Variants in CADPS2 observed in about 807,000 individuals in gnomAD.
The protein encoded by CADPS2 is calcium dependent secretion activator 2.
CADPS2 carries 93 observed loss-of-function variants against 172.5 expected under a neutral mutation model. That is an observed-to-expected ratio of 0.54 (90% CI 0.46 to 0.64). The LOEUF is 0.64. Among genes scored for constraint, CADPS2 ranks in the 30% least tolerant of loss-of-function variants. The probability of loss-of-function intolerance (pLI) is 0.00; values close to 1 mark genes in which losing one functional copy is unlikely to be tolerated. For synonymous variants in CADPS2, 546 were observed against 555.2 expected (o/e 0.98, Z 0.23); for missense variants, 1,420 against 1,565.9 (o/e 0.91, Z 1.57).
At chr7:122,413,626 C>T (rs893744281) in intron 19 of CADPS2, among the ~76,000 whole-genome samples, 5 of 152,172 alleles carry the variant, frequency 3.3e-5, no homozygotes, top group African/African-American at 1.2e-4. Flanking sequence ...GGTGCTCTTT[C>T]ATGGAGCAAA....
intron 2 of CADPS2, among the ~76,000 whole-genome samples, chr7:122,725,417 T>A (rs1322026594): frequency 6.6e-6 from 1 of 151,758 alleles, no homozygotes; most frequent in Admixed American, 6.6e-5. Flanking sequence ...ATAGATTGAT[T>A]GATTTAGGGG....
At chr7:122,624,617 G>C (rs1488968127) in intron 4 of CADPS2, among the ~76,000 whole-genome samples, 1 of 152,180 alleles carries the variant, frequency 6.6e-6, no homozygotes, top group Admixed American at 6.5e-5. Flanking sequence ...CTACAAATTA[G>C]AGCAGATTCA....
At chr7:122,447,447 T>C (rs1380984622) in intron 15 of CADPS2, among the ~76,000 whole-genome samples, 3 of 151,932 alleles carry the variant, frequency 2.0e-5, no homozygotes, top group African/African-American at 4.8e-5. Flanking sequence ...TCAGAACTGA[T>C]TGCTCTCTAA....
chr7:122,627,087 G>T (rs778984911), intron 4 of CADPS2, among the ~76,000 whole-genome samples: 16 of 152,220 alleles, frequency 1.1e-4, no homozygotes, highest in Non-Finnish European at 2.2e-4. Flanking sequence ...AGAGGCAGCA[G>T]GATGTTAAGA....
chr7:122,816,507 G>T (rs1407960007), intron 1 of CADPS2, among the ~76,000 whole-genome samples: 1 of 152,172 alleles, frequency 6.6e-6, no homozygotes, highest in African/African-American at 2.4e-5. Flanking sequence ...TGAAAGTACA[G>T]GTAGCTCTTA....
At position 122,806,047 on chromosome 7, in the gene CADPS2, T is replaced by C. The variant is rs544271413; in HGVS notation, c.340-68979A>G. ...TGTGCAAACCTTTGTTTTATGATCATTTCTGAAAATATAAATAAGAAGTAC... is the reference window on the plus strand; with the variant it reads ...TGTGCAAACCTTTGTTTTATGATCACTTCTGAAAATATAAATAAGAAGTAC... On this transcript the variant is annotated intron_variant, in intron 1 of 29. Coordinates refer to ENST00000449022, the MANE Select transcript of CADPS2 (RefSeq NM_017954.11). Among the ~76,000 whole-genome samples the C allele has an allele frequency of 1.1e-4, 17 of 152,346 alleles. No homozygotes were observed. The South Asian group carries it at 3.5e-3, about 32-fold the overall frequency.
At chr7:122,351,550 ACACT>A (rs1250962700) in intron 27 of CADPS2, among the ~76,000 whole-genome samples, 2 of 152,008 alleles carry the variant, frequency 1.3e-5, no homozygotes, top group East Asian at 1.9e-4. Context: ...AAAAATAATG[ACACT>A]CACATCCTTT....
At chr7:122,441,629 C>A in intron 15 of CADPS2, 54 bp from the exon 16 acceptor site, 3 of 1,093,498 alleles carry the variant, frequency 2.7e-6, no homozygotes, top group Non-Finnish European at 3.9e-6. Flanking sequence ...CCCAAGACTG[C>A]TAAATAATTC....
chr7:122,701,183 T>C (rs1474503646), intron 2 of CADPS2, among the ~76,000 whole-genome samples: 1 of 152,154 alleles, frequency 6.6e-6, no homozygotes, highest in African/African-American at 2.4e-5. Flanking sequence ...TATACTAATG[T>C]TCTTATTTGG....
intron 1 of CADPS2, among the ~76,000 whole-genome samples, chr7:122,878,443 G>T (rs1412960882): frequency 6.6e-6 from 1 of 151,522 alleles, no homozygotes; most frequent in Non-Finnish European, 1.5e-5. Flanking sequence ...ACAACGTCAG[G>T]AGATCGAGAC....
intron 27 of CADPS2, among the ~76,000 whole-genome samples, chr7:122,351,907 T>C (rs1221094758): frequency 6.6e-6 from 1 of 152,214 alleles, no homozygotes; most frequent in Non-Finnish European, 1.5e-5. Flanking sequence ...CATTAGTATG[T>C]TACATTTTAT....
chr7:122,385,091 A>G (rs1170892529), intron 24 of CADPS2, among the ~76,000 whole-genome samples: 2 of 152,072 alleles, frequency 1.3e-5, no homozygotes, highest in African/African-American at 4.8e-5. Flanking sequence ...GCAGACAATC[A>G]AAGGCTTACA....
At chr7:122,680,137 C>T (rs1299035541) in intron 2 of CADPS2, among the ~76,000 whole-genome samples, 1 of 151,942 alleles carries the variant, frequency 6.6e-6, no homozygotes, top group East Asian at 1.9e-4. Context: ...TCTTGGCACA[C>T]AAAAAAAGTA....
At position 122,820,770 on chromosome 7, in the gene CADPS2, A is replaced by G. The variant is rs541989771; in HGVS notation, c.339+65229T>C. Among the ~76,000 whole-genome samples, 41 of 135,224 alleles carry G rather than the reference A, an allele frequency of 3.0e-4. 3 individuals carry two copies. Among genetic ancestry groups the G allele is most frequent in the Non-Finnish European group, 4.7e-4 (30 of 63,304 alleles). The allele number at this position is 135,224 out of a possible 152,430, so 88.7% of individuals were successfully genotyped here. A position where few individuals can be genotyped will look rare whatever the true frequency, so the allele number is the denominator to read the frequency against. ...GAGACGGGGTTTCACCTTGTTAGCC[A>G]GGATGGTCTCGATCTCCTGACCTCG... On this transcript the variant is annotated intron_variant, in intron 1 of 29. Coordinates refer to ENST00000449022, the MANE Select transcript of CADPS2 (RefSeq NM_017954.11).
chr7:122,479,530 T>C (rs117491394), intron 12 of CADPS2, among the ~76,000 whole-genome samples: 137 of 152,340 alleles, frequency 9.0e-4, no homozygotes, highest in Non-Finnish European at 5.4e-4. Context: ...AAGGAGTTTG[T>C]TCACACCTTT....
At chr7:122,377,748 A>AT (rs1351371262) in intron 25 of CADPS2, among the ~76,000 whole-genome samples, 1 of 151,880 alleles carries the variant, frequency 6.6e-6, no homozygotes, top group Non-Finnish European at 1.5e-5. Context: ...TTTTCCTATT[A>AT]TTTTTTTCTC....
At chr7:122,810,364 G>C (rs1414410482) in intron 1 of CADPS2, among the ~76,000 whole-genome samples, 1 of 152,126 alleles carries the variant, frequency 6.6e-6, no homozygotes, top group Non-Finnish European at 1.5e-5. Flanking sequence ...TCTCAGACCA[G>C]AAGGTGAAAC....
At chr7:122,741,002 T>C (rs927067925) in intron 1 of CADPS2, among the ~76,000 whole-genome samples, 2 of 152,176 alleles carry the variant, frequency 1.3e-5, no homozygotes, top group African/African-American at 4.8e-5. Flanking sequence ...ATACTACAGA[T>C]ACACCTGCAC....
rs1195382612 is a variant in CADPS2, at chr7:122,680,163, GT to G, written c.454-16595del. Among the ~76,000 whole-genome samples the G allele has an allele frequency of 2.0e-5, 3 of 152,248 alleles. No homozygotes were observed. In the East Asian group the frequency reaches 5.8e-4, roughly 29 times the overall value. On this transcript the variant is annotated intron_variant, in intron 2 of 29. Transcript: ENST00000449022. ...AAAAAAAGTACAATATCTGACCTCT[GT>G]TTTTATTTACTAATCCATGAATTCC...
Sources: allele counts gnomAD v4.1 joint callset (sites outside exome capture counted in the v4.1 genomes callset), GRCh38; gene constraint gnomAD v4.1.1; transcripts MANE v1.5; gene names NCBI Gene and HGNC (gene_info 2026-07-23, HGNC 2026-07-21).